SI: variants seen among roughly 807,000 people sequenced by gnomAD.
The protein encoded by SI is sucrase-isomaltase, intestinal.
SI carries 235 observed loss-of-function variants against 253.3 expected under a neutral mutation model. The observed-to-expected ratio is 0.93, with a 90% CI of 0.83 to 1.03. The LOEUF is 1.03. Ranked by LOEUF, SI falls within the 50% of genes least tolerant of loss-of-function variation. The pLI is 0.00. For synonymous variants in SI, 819 were observed against 712.0 expected (o/e 1.15, Z -2.39); for missense variants, 2,442 against 2,211.1 (o/e 1.10, Z -2.09).
chr3:165,028,916 C>A (rs1712071121), intron 25 of SI, among the ~76,000 whole-genome samples: 1 of 151,162 alleles, frequency 6.6e-6, no homozygotes, highest in South Asian at 2.1e-4. Flanking sequence ...AAAACAAAGA[C>A]AAACATCTGG....
rs1376715753 is a variant in SI, at chr3:165,027,187, C to T, written c.2893-3411G>A. Among the ~76,000 whole-genome samples the T allele has an allele frequency of 4.0e-5, 6 of 151,196 alleles. No homozygotes were observed. In the South Asian group the frequency reaches 8.3e-4, roughly 21 times the overall value. ...GATCATTCAAGGCTACTATGAACAC[C>T]GTTACACACATAAATTAGATGACCT... On this transcript the variant is annotated intron_variant, in intron 25 of 47. Coordinates refer to ENST00000264382, the MANE Select transcript of SI (RefSeq NM_001041.4).
chr3:165,050,958 A>T (rs958069848), intron 13 of SI, among the ~76,000 whole-genome samples: 5 of 152,036 alleles, frequency 3.3e-5, no homozygotes, highest in Admixed American at 6.6e-5. Context: ...ACTTTCTGAG[A>T]CTTCCCAGAT....
intron 8 of SI, among the ~76,000 whole-genome samples, chr3:165,063,076 C>A (rs1040580195): frequency 3.3e-5 from 5 of 151,908 alleles, no homozygotes; most frequent in South Asian, 2.1e-4. Context: ...AAAAAAAATA[C>A]TCTTTTTTCT....
intron 13 of SI, among the ~76,000 whole-genome samples, chr3:165,051,721 A>G (rs1283503040): frequency 6.6e-6 from 1 of 152,040 alleles, no homozygotes; most frequent in Non-Finnish European, 1.5e-5. Context: ...ACACTCATCT[A>G]TGATATTAAT....
chr3:165,046,000 T>C (rs1713092048), intron 16 of SI, among the ~76,000 whole-genome samples: 1 of 151,708 alleles, frequency 6.6e-6, no homozygotes, highest in Non-Finnish European at 1.5e-5. Flanking sequence ...TGCCCGTCTT[T>C]TGGTATTTTT....
the SI span, among the ~76,000 whole-genome samples, chr3:165,086,489 A>G: frequency 9.9e-5 from 15 of 152,166 alleles, no homozygotes; most frequent in African/African-American, 3.4e-4. Flanking sequence ...AGGACTTTCT[A>G]CTTTTTTGTT....
At chr3:165,084,659 T>A in the SI span, among the ~76,000 whole-genome samples, 1 of 152,104 alleles carries the variant, frequency 6.6e-6, no homozygotes, top group East Asian at 1.9e-4. Flanking sequence ...TCCTAAAATA[T>A]TCAGCTTGTT....
chr3:165,046,189 T>C (rs542145731), intron 16 of SI, among the ~76,000 whole-genome samples: 2 of 152,160 alleles, frequency 1.3e-5, no homozygotes, highest in East Asian at 1.9e-4. Flanking sequence ...ATTGATCGGG[T>C]TTTTGGTGTT....
chr3:165,085,866 C>T, the SI span, among the ~76,000 whole-genome samples: 5 of 152,082 alleles, frequency 3.3e-5, no homozygotes, highest in Non-Finnish European at 5.9e-5. Flanking sequence ...TAATTATTTT[C>T]CCCAGAATAC....
At chr3:165,049,974 C>G (rs1381193840) in intron 13 of SI, 99 bp from the exon 14 acceptor site, 1 of 762,206 alleles carries the variant, frequency 1.3e-6, no homozygotes, top group African/African-American at 1.7e-5. Context: ...TATAAGATAA[C>G]CATAATGCTC....
intron 44 of SI, among the ~76,000 whole-genome samples, chr3:164,990,783 A>C (rs950817220): frequency 5.3e-5 from 8 of 152,146 alleles, no homozygotes; most frequent in Admixed American, 2.0e-4. Flanking sequence ...GCATTAGGAG[A>C]TATACCTAAT....
At chr3:165,015,254 A>T (rs1718970204) in intron 32 of SI, 21 bp from the exon 33 acceptor site, 1 of 1,556,302 alleles carries the variant, frequency 6.4e-7, no homozygotes. Context: ...AATGAAATAT[A>T]AACAAGGTAC....
At chr3:164,988,794 T>C (rs1318686608) in intron 44 of SI, among the ~76,000 whole-genome samples, 4 of 152,298 alleles carry the variant, frequency 2.6e-5, no homozygotes, top group East Asian at 3.9e-4. Flanking sequence ...TTTACACCTA[T>C]GTCAGTCTGA....
At position 165,036,427 on chromosome 3, in the gene SI, G is replaced by T. The variant is rs769928395; in HGVS notation, c.2477C>A (p.Ala826Asp). Reference protein sequence around the residue: ...LIVALGENNTAKGDFFWDDGE... With the variant: ...LIVALGENNTDKGDFFWDDGE... ...ATCATCCCAGAAAAAGTCTCCTTTG[G>T]CTGTGTTGTTTTCACCTAATGCGAC... The change falls in exon 22 of 48, where the codon GCC becomes GAC. Residue 826 changes from alanine to aspartate, a missense_variant. By Grantham distance (126) the Ala-to-Asp change is moderately radical (BLOSUM62 -2). Transcript: ENST00000264382. The T allele has an allele frequency of 1.2e-6, 2 of 1,611,444 alleles. No individual in the cohort carries two copies. Among genetic ancestry groups the T allele is most frequent in the Non-Finnish European group, 1.7e-6 (2 of 1,178,344 alleles).
chr3:165,030,182 A>T (rs892821430), intron 25 of SI, among the ~76,000 whole-genome samples: 1 of 150,866 alleles, frequency 6.6e-6, no homozygotes, highest in Non-Finnish European at 1.5e-5. Flanking sequence ...AGCAAGAGGA[A>T]TGTTTTACAA....
intron 15 of SI, among the ~76,000 whole-genome samples, chr3:165,048,759 A>G (rs1713270145): frequency 6.6e-6 from 1 of 151,844 alleles, no homozygotes; most frequent in African/African-American, 2.4e-5. Context: ...CTGGGATTAC[A>G]GGTGCCTGCC....
intron 37 of SI, among the ~76,000 whole-genome samples, chr3:165,000,135 T>G (rs1718193109): frequency 6.6e-6 from 1 of 151,468 alleles, no homozygotes; most frequent in Admixed American, 6.6e-5. Flanking sequence ...TTAGTTTTGT[T>G]TAATATAAAA....
At chr3:165,008,106 A>ATTAT in intron 35 of SI, 108 bp from the exon 36 acceptor site, 1 of 598,142 alleles carries the variant, frequency 1.7e-6, no homozygotes. Context: ...GAACAATGTT[A>ATTAT]TATATACTCA....
At position 164,991,398 on chromosome 3, in the gene SI, C is replaced by T. The variant is rs1717728263; in HGVS notation, c.5063G>A (p.Gly1688Asp). 1.2e-6 allele frequency: 2 copies of T among 1,613,640 alleles called. No homozygotes were observed. Among genetic ancestry groups the T allele is most frequent in the Non-Finnish European group, 1.7e-6 (2 of 1,179,730 alleles). The change falls in exon 44 of 48, where the codon GGT becomes GAT. Residue 1688 changes from glycine (G) to aspartate (D), a missense_variant. Physicochemically the swap from Gly to Asp is moderately conservative, Grantham distance 94. Coordinates refer to ENST00000264382, the MANE Select transcript of SI (RefSeq NM_001041.4). ...TGGCTCTTGACATGGTAGGATGTGACCACCACGGACATGTAGGTTTATTGT... is the reference window on the plus strand; with the variant it reads ...TGGCTCTTGACATGGTAGGATGTGATCACCACGGACATGTAGGTTTATTGT... ...YDTINLHVRGGHILPCQEPAQ... is the reference protein window; with the variant it reads ...YDTINLHVRGDHILPCQEPAQ...
Sources: allele counts gnomAD v4.1 joint callset (sites outside exome capture counted in the v4.1 genomes callset), GRCh38; gene constraint gnomAD v4.1.1; transcripts MANE v1.5; gene names NCBI Gene and HGNC (gene_info 2026-07-23, HGNC 2026-07-21).